Variants in OR2L13 observed in about 807,000 individuals in gnomAD.
OR2L13 encodes the protein olfactory receptor family 2 subfamily L member 13.
Under a neutral mutation model 15.3 loss-of-function variants are expected in OR2L13, and 14 were observed. The observed-to-expected ratio is 0.91, with a 90% confidence interval of 0.60 to 1.43. The LOEUF (loss-of-function observed/expected upper bound fraction) is 1.43, where lower values mean the gene tolerates loss of function less well. Ranked by LOEUF, OR2L13 falls within the 40% of genes most tolerant of loss-of-function variation. The pLI, the probability that OR2L13 is intolerant of heterozygous loss-of-function variation, is 0.00. For synonymous variants in OR2L13, 152 were observed against 142.9 expected (o/e 1.06, Z -0.45); for missense variants, 367 against 387.9 (o/e 0.95, Z 0.45).
At chr1:247,965,631 C>T in the OR2L13 span, 1 of 1,551,756 alleles carries the variant, frequency 6.4e-7, no homozygotes, top group East Asian at 2.3e-5. Context: ...CAGTCAGCTT[C>T]CTCTCACAGA....
chr1:247,950,949 A>G, the OR2L13 span, among the ~76,000 whole-genome samples: 2 of 152,174 alleles, frequency 1.3e-5, no homozygotes, highest in South Asian at 2.1e-4. Flanking sequence ...GAAATGATAC[A>G]TATTTGGGGT....
the OR2L13 span, among the ~76,000 whole-genome samples, chr1:247,967,520 C>T: frequency 6.6e-6 from 1 of 152,262 alleles, no homozygotes; most frequent in East Asian, 1.9e-4. Flanking sequence ...TGAGCCACTG[C>T]GCCCAGCCTC....
the OR2L13 span, among the ~76,000 whole-genome samples, chr1:247,995,321 A>G: frequency 5.9e-5 from 9 of 152,122 alleles, no homozygotes; most frequent in Admixed American, 4.6e-4. Context: ...TATTGTAACA[A>G]TCTCTGTTCT....
chr1:248,018,333 A>G, the OR2L13 span, among the ~76,000 whole-genome samples: 446 of 152,276 alleles, frequency 2.9e-3, 6 homozygotes, highest in African/African-American at 0.01. Context: ...GCCCTATATA[A>G]AATACAAATG....
At chr1:247,996,550 T>A in the OR2L13 span, among the ~76,000 whole-genome samples, 1 of 152,212 alleles carries the variant, frequency 6.6e-6, no homozygotes, top group Non-Finnish European at 1.5e-5. Flanking sequence ...TGTAAAATAG[T>A]CAATTTCTAT....
chr1:248,005,809 A>G, the OR2L13 span, among the ~76,000 whole-genome samples: 1 of 152,150 alleles, frequency 6.6e-6, no homozygotes, highest in African/African-American at 2.4e-5. Context: ...TTGAAATGTC[A>G]TTTCTATTTC....
the OR2L13 span, among the ~76,000 whole-genome samples, chr1:248,055,494 G>T: frequency 6.6e-6 from 1 of 152,104 alleles, no homozygotes; most frequent in Non-Finnish European, 1.5e-5. Context: ...GGTGACTCAT[G>T]CCTGTAATCC....
At chr1:247,965,351 T>C in the OR2L13 span, 31 of 1,588,972 alleles carry the variant, frequency 2.0e-5, no homozygotes, top group Non-Finnish European at 2.2e-5. Flanking sequence ...TCAGATGTCA[T>C]CTCCTTTGAT....
Position 248,099,876 on chromosome 1 carries a change from C to G in OR2L13, c.501C>G (p.Tyr167Ter). ...CAGTCTTTGCCCTTCATATTCCCTACTGCAGGTCTAGGGCTATTGACCATT... is the reference window on the plus strand; with the variant it reads ...CAGTCTTTGCCCTTCATATTCCCTAGTGCAGGTCTAGGGCTATTGACCATT... Residue 167 changes from tyrosine to a stop codon, truncating the protein, a stop_gained, in exon 3 of 3, where the codon TAC becomes TAG. Coordinates refer to ENST00000641714, the Ensembl canonical transcript of OR2L13. LOFTEE classifies it high-confidence loss of function. The G allele has an allele frequency of 6.2e-7, 1 of 1,614,148 alleles. No homozygotes were observed. The highest frequency in any genetic ancestry group is 8.5e-7 in the Non-Finnish European group (1 of 1,180,008).
Position 248,097,791 on chromosome 1 carries a change from T to C in OR2L13, c.-144+439T>C, listed in dbSNP as rs577941863. On this transcript the variant is annotated intron_variant, in intron 1 of 2. Transcript: ENST00000641714. ...TTTAAACCTGGATTAAACAAAGGAA[T>C]TCAGAAAGCACTACAAAAGGCTTTT... Among the ~76,000 whole-genome samples, 4 of 152,270 alleles carry C rather than the reference T, an allele frequency of 2.6e-5. No individual in the cohort carries two copies. The South Asian group carries it at 8.3e-4, about 32-fold the overall frequency.
chr1:247,981,587 A>G, the OR2L13 span, among the ~76,000 whole-genome samples: 3 of 152,204 alleles, frequency 2.0e-5, 1 homozygote, highest in Admixed American at 6.5e-5. Context: ...TTTAACAACC[A>G]TGCAGAGTTT....
At chr1:247,992,048 A>C in the OR2L13 span, among the ~76,000 whole-genome samples, 1 of 149,234 alleles carries the variant, frequency 6.7e-6, no homozygotes, top group Non-Finnish European at 1.5e-5. Flanking sequence ...GTCCACTTAC[A>C]TGTGGTTTTT....
At chr1:248,036,879 A>G in the OR2L13 span, among the ~76,000 whole-genome samples, 1 of 152,296 alleles carries the variant, frequency 6.6e-6, no homozygotes, top group African/African-American at 2.4e-5. Flanking sequence ...CTTAACAAAA[A>G]ATTGATAAAT....
At chr1:247,948,775 A>G in the OR2L13 span, 2 of 1,144,492 alleles carry the variant, frequency 1.7e-6, no homozygotes, top group Non-Finnish European at 1.3e-6. Context: ...GGGGCTTGGA[A>G]TGCATCCCCT....
chr1:248,067,885 G>A, the OR2L13 span, among the ~76,000 whole-genome samples: 12 of 152,318 alleles, frequency 7.9e-5, no homozygotes, highest in East Asian at 1.9e-3. Flanking sequence ...ACAGAGTCTC[G>A]CTGATTGCTA....
At chr1:248,064,867 G>A in the OR2L13 span, among the ~76,000 whole-genome samples, 1 of 152,104 alleles carries the variant, frequency 6.6e-6, no homozygotes, top group Non-Finnish European at 1.5e-5. Flanking sequence ...AATGAATGCT[G>A]AGCATTTCAA....
the OR2L13 span, among the ~76,000 whole-genome samples, chr1:248,036,290 CTTTCA>C: frequency 1.3e-5 from 2 of 151,842 alleles, no homozygotes; most frequent in African/African-American, 4.8e-5. Flanking sequence ...TATTTTGAAA[CTTTCA>C]TTTAATGCGG....
the OR2L13 span, among the ~76,000 whole-genome samples, chr1:247,946,333 T>G: frequency 6.6e-6 from 1 of 152,222 alleles, no homozygotes; most frequent in Non-Finnish European, 1.5e-5. Context: ...CTTATTTAAT[T>G]GCTTTGACTG....
the OR2L13 span, chr1:247,966,419 C>A: frequency 7.5e-7 from 1 of 1,341,262 alleles, no homozygotes; most frequent in Non-Finnish European, 1.0e-6. Flanking sequence ...ATAGAAGTCA[C>A]AAAAACAGTG....
Sources: allele counts gnomAD v4.1 joint callset (sites outside exome capture counted in the v4.1 genomes callset), GRCh38; gene constraint gnomAD v4.1.1; transcripts MANE v1.5; gene names NCBI Gene and HGNC (gene_info 2026-07-23, HGNC 2026-07-21).